Variants in ITGA9 observed in about 807,000 individuals in gnomAD.
ITGA9 encodes integrin subunit alpha 9.
In ITGA9, 56 loss-of-function variants were observed where a neutral mutation model predicts 127.8. That is an observed-to-expected ratio of 0.44 (90% CI 0.35 to 0.55). The LOEUF (loss-of-function observed/expected upper bound fraction) is 0.55. Among genes scored for constraint, ITGA9 ranks in the 20% least tolerant of loss-of-function variants. ITGA9 has a pLI of 0.00. For synonymous variants in ITGA9, 508 were observed against 514.5 expected (o/e 0.99, Z 0.17); for missense variants, 1,196 against 1,347.1 (o/e 0.89, Z 1.76).
chr3:37,613,616 C>T (rs1401022717), intron 15 of ITGA9, among the ~76,000 whole-genome samples: 1 of 152,232 alleles, frequency 6.6e-6, no homozygotes, highest in Non-Finnish European at 1.5e-5. Context: ...CACATCCTCT[C>T]CAGCACCTGT....
At chr3:37,548,459 T>C (rs1437596875) in intron 15 of ITGA9, among the ~76,000 whole-genome samples, 1 of 152,230 alleles carries the variant, frequency 6.6e-6, no homozygotes, top group Non-Finnish European at 1.5e-5. Context: ...GTAAATTATA[T>C]CTCAATCAAA....
intron 26 of ITGA9, among the ~76,000 whole-genome samples, chr3:37,801,953 TTCCTTATCAC>T (rs749582505): frequency 2.6e-5 from 4 of 152,176 alleles, no homozygotes; most frequent in Non-Finnish European, 4.4e-5. Flanking sequence ...CTCATTTTCT[TTCCTTATCAC>T]CAGGGAAGAG....
intron 2 of ITGA9, among the ~76,000 whole-genome samples, chr3:37,471,819 T>C (rs1250069232): frequency 1.3e-5 from 2 of 152,264 alleles, no homozygotes; most frequent in Middle Eastern, 3.4e-3. Flanking sequence ...TTTGGGAGGC[T>C]GAGGTGGGCA....
chr3:37,720,879 A>G (rs1184307371), intron 18 of ITGA9, among the ~76,000 whole-genome samples: 2 of 152,226 alleles, frequency 1.3e-5, no homozygotes, highest in African/African-American at 2.4e-5. Context: ...TAGGAACGAG[A>G]CAGCTTATTC....
At chr3:37,588,613 G>T (rs1699782679) in intron 15 of ITGA9, among the ~76,000 whole-genome samples, 1 of 152,186 alleles carries the variant, frequency 6.6e-6, no homozygotes, top group Non-Finnish European at 1.5e-5. Flanking sequence ...ACTGACCTTG[G>T]TCTCACAAAC....
chr3:37,819,088 A>C lies in ITGA9; in HGVS notation c.*99A>C. 1 of 902,134 alleles carries C rather than the reference A, an allele frequency of 1.1e-6. No homozygotes were observed. Among genetic ancestry groups the C allele is most frequent in the Non-Finnish European group, 1.8e-6 (1 of 552,170 alleles). 55.9% of individuals were successfully genotyped at this position (902,134 alleles called of 1,614,324 possible). Reference sequence around the variant, plus strand: ...AAAAAATCTTCTCCAGATTTTTCGGAGGCCCCACTGATGCTGTTCTCTTCT... The same window carrying C: ...AAAAAATCTTCTCCAGATTTTTCGGCGGCCCCACTGATGCTGTTCTCTTCT... On this transcript the variant is annotated 3_prime_UTR_variant, in exon 28 of 28. Coordinates refer to ENST00000264741, the MANE Select transcript of ITGA9 (RefSeq NM_002207.3).
intron 3 of ITGA9, among the ~76,000 whole-genome samples, chr3:37,473,867 A>G (rs1698463198): frequency 6.6e-6 from 1 of 152,136 alleles, no homozygotes; most frequent in South Asian, 2.1e-4. Flanking sequence ...AAAGTCTCCG[A>G]TGTCCCTTTC....
At chr3:37,804,851 A>G (rs948917812) in intron 27 of ITGA9, among the ~76,000 whole-genome samples, 1 of 152,216 alleles carries the variant, frequency 6.6e-6, no homozygotes, top group Non-Finnish European at 1.5e-5. Context: ...TCAATTACCA[A>G]AAAAAGTTGT....
At chr3:37,747,651 T>G (rs1401964790) in intron 22 of ITGA9, among the ~76,000 whole-genome samples, 3 of 152,136 alleles carry the variant, frequency 2.0e-5, no homozygotes, top group Non-Finnish European at 2.9e-5. Context: ...TTTTGTTTGA[T>G]TTTCACAAAT....
chr3:37,532,609 G>A (rs994236711), intron 13 of ITGA9, among the ~76,000 whole-genome samples: 2 of 125,902 alleles, frequency 1.6e-5, no homozygotes, highest in African/African-American at 5.6e-5. Flanking sequence ...TTGTTTTTGT[G>A]GGATGTCCTT....
intron 1 of ITGA9, among the ~76,000 whole-genome samples, chr3:37,454,735 C>A (rs934880227): frequency 6.6e-6 from 1 of 152,132 alleles, no homozygotes; most frequent in Non-Finnish European, 1.5e-5. Flanking sequence ...AGATTGTGTT[C>A]TCCCCTTGAT....
At chr3:37,811,466 A>G (rs924988051) in intron 27 of ITGA9, among the ~76,000 whole-genome samples, 1 of 152,194 alleles carries the variant, frequency 6.6e-6, no homozygotes, top group South Asian at 2.1e-4. Flanking sequence ...CTGTGGAAAG[A>G]ATGAAGATGA....
chr3:37,741,888 T>G (rs1361916575), intron 21 of ITGA9, 69 bp downstream of exon 21: 2 of 1,256,798 alleles, frequency 1.6e-6, no homozygotes, highest in Non-Finnish European at 2.3e-6. Flanking sequence ...GCTTCTCATA[T>G]TTGCATGTGT....
chr3:37,653,906 A>G, intron 17 of ITGA9, 116 bp downstream of exon 17: 3 of 756,476 alleles, frequency 4.0e-6, no homozygotes, highest in Non-Finnish European at 7.2e-6. Flanking sequence ...TTGATGGGTT[A>G]CAGTAATATT....
chr3:37,484,217 T>C (rs174754), intron 4 of ITGA9, among the ~76,000 whole-genome samples: 80,955 of 151,978 alleles, frequency 0.53, 21,872 homozygotes, highest in African/African-American at 0.63. Context: ...ATGTGGAGTA[T>C]TGGGGTGTAA....
At chr3:37,560,132 T>C (rs1699472188) in intron 15 of ITGA9, among the ~76,000 whole-genome samples, 1 of 150,938 alleles carries the variant, frequency 6.6e-6, no homozygotes, top group Non-Finnish European at 1.5e-5. Flanking sequence ...CCCCGGTGTG[T>C]GATGTTCCCT....
chr3:37,651,539 A>G (rs1460121603), intron 16 of ITGA9, among the ~76,000 whole-genome samples: 1 of 152,238 alleles, frequency 6.6e-6, no homozygotes, highest in African/African-American at 2.4e-5. Context: ...GAGGCAAGCA[A>G]GACCAGTACA....
intron 3 of ITGA9, 72 bp downstream of exon 3, chr3:37,473,532 G>A (rs1285994264): frequency 1.8e-6 from 2 of 1,125,376 alleles, no homozygotes; most frequent in Non-Finnish European, 2.7e-6. Flanking sequence ...AGGAAGGCTG[G>A]ATGGCATGGT....
At chr3:37,610,824 A>G (rs1209092660) in intron 15 of ITGA9, among the ~76,000 whole-genome samples, 2 of 152,220 alleles carry the variant, frequency 1.3e-5, no homozygotes, top group African/African-American at 4.8e-5. Flanking sequence ...ATCTCACATT[A>G]TCCAGTAAAC....
Sources: allele counts gnomAD v4.1 joint callset (sites outside exome capture counted in the v4.1 genomes callset), GRCh38; gene constraint gnomAD v4.1.1; transcripts MANE v1.5; gene names NCBI Gene and HGNC (gene_info 2026-07-23, HGNC 2026-07-21).